SNTB1: variants seen among roughly 807,000 people sequenced by gnomAD.
The protein encoded by SNTB1 is syntrophin beta 1, also known as beta-1-syntrophin.
A neutral mutation model predicts 48.9 loss-of-function variants in SNTB1; 36 were observed. The observed-to-expected ratio is 0.74, with a 90% confidence interval of 0.56 to 0.97. SNTB1 has a LOEUF of 0.97. Ranked by LOEUF, SNTB1 falls within the 50% of genes least tolerant of loss-of-function variation. The probability of loss-of-function intolerance (pLI) is 0.00; values close to 1 mark genes in which losing one functional copy is unlikely to be tolerated. For missense variants in SNTB1, 786 were observed against 703.4 expected (o/e 1.12, Z -1.33); for synonymous variants, 299 against 294.6 (o/e 1.01, Z -0.15).
intron 1 of SNTB1, among the ~76,000 whole-genome samples, chr8:120,743,875 T>A (rs564984847): frequency 1.3e-5 from 2 of 152,328 alleles, no homozygotes; most frequent in East Asian, 3.9e-4. Flanking sequence ...ATGCCTGTAA[T>A]CCTAACAGTT....
chr8:120,806,823 A>G (rs1457955785), intron 1 of SNTB1, among the ~76,000 whole-genome samples: 1 of 152,212 alleles, frequency 6.6e-6, no homozygotes, highest in African/African-American at 2.4e-5. Flanking sequence ...TGTACATCCT[A>G]AATAAAATAA....
In SNTB1 at chr8:120,543,465, A is replaced by G. The variant is rs554735529; in HGVS notation, c.1334-1465T>C. Among the ~76,000 whole-genome samples, 257 of 152,268 alleles carry G rather than the reference A, an allele frequency of 1.7e-3. 5 individuals carry two copies. Among genetic ancestry groups the G allele is most frequent in the Middle Eastern group, 3.4e-3 (1 of 294 alleles). On this transcript the variant is annotated intron_variant, in intron 5 of 6. Transcript: ENST00000517992. ...AACCACACACTTCTGAAGCTGGAAC[A>G]CGGCCCAATATTATAGGTGGAAAAA...
At chr8:120,693,608 T>C (rs532438821) in intron 2 of SNTB1, 84 bp downstream of exon 2, 24 of 1,142,276 alleles carry the variant, frequency 2.1e-5, no homozygotes, top group Non-Finnish European at 2.9e-5. Context: ...TTTCAGAACA[T>C]GAGGGCAATC....
chr8:120,709,709 T>C lies in SNTB1; in HGVS notation c.572-15801A>G, dbSNP rs180764040. Reference sequence around the variant, plus strand: ...AAGCCTGATTCCAAAGCTTTTCCTCTTTCCCACTGTGTTGGGAAAGTCTGC... The same window carrying C: ...AAGCCTGATTCCAAAGCTTTTCCTCCTTCCCACTGTGTTGGGAAAGTCTGC... On this transcript the variant is annotated intron_variant, in intron 1 of 6. Transcript: ENST00000517992. 5.9e-5 allele frequency among the ~76,000 whole-genome samples: 9 copies of C among 152,298 alleles called. No homozygotes were observed. The East Asian group carries it at 1.7e-3, about 29-fold the overall frequency.
intron 1 of SNTB1, among the ~76,000 whole-genome samples, chr8:120,743,156 G>GT (rs1421565880): frequency 3.9e-5 from 6 of 152,098 alleles, no homozygotes; most frequent in African/African-American, 1.4e-4. Context: ...TTCTTTATGG[G>GT]TTTTTCTGCT....
In SNTB1 at chr8:120,548,963, A is replaced by G. The variant is rs1381788535; in HGVS notation, c.1137-5T>C. ...CCTGGACCTGAATGGACCAGCCTGG[A>G]GAGAGAGAGAGAGAGACATCATCAA... is the stretch of plus-strand genomic sequence containing the variant. On this transcript the variant is annotated splice_region_variant and splice_polypyrimidine_tract_variant and intron_variant, in intron 4 of 6. Transcript: ENST00000517992. 1 of 956,860 alleles carries G rather than the reference A, an allele frequency of 1.0e-6. No homozygotes were observed. Among genetic ancestry groups the G allele is most frequent in the East Asian group, 4.5e-5 (1 of 22,432 alleles). The allele number at this position is 956,860 out of a possible 1,614,324, so 59.3% of individuals were successfully genotyped here. A position where few individuals can be genotyped will look rare whatever the true frequency, so the allele number is the denominator to read the frequency against.
chr8:120,718,391 C>G (rs191080421), intron 1 of SNTB1, among the ~76,000 whole-genome samples: 2 of 152,336 alleles, frequency 1.3e-5, no homozygotes, highest in East Asian at 1.9e-4. Flanking sequence ...CCTATGGAAC[C>G]AGGGGTGGGA....
At chr8:120,723,605 T>C (rs1404354090) in intron 1 of SNTB1, among the ~76,000 whole-genome samples, 1 of 152,138 alleles carries the variant, frequency 6.6e-6, no homozygotes, top group Non-Finnish European at 1.5e-5. Flanking sequence ...ACTGAAGCAG[T>C]GAAGGGGCTG....
chr8:120,649,137 T>A (rs2129706409), intron 2 of SNTB1, among the ~76,000 whole-genome samples: 1 of 150,452 alleles, frequency 6.6e-6, no homozygotes, highest in Non-Finnish European at 1.5e-5. Context: ...TCAGAGTAAT[T>A]TGATCGTCTG....
intron 4 of SNTB1, among the ~76,000 whole-genome samples, chr8:120,567,166 T>C (rs1815764310): frequency 6.6e-6 from 1 of 152,192 alleles, no homozygotes; most frequent in African/African-American, 2.4e-5. Context: ...TATGGGGTTG[T>C]GAGGGTTGAA....
chr8:120,709,889 G>A (rs1050285433), intron 1 of SNTB1, among the ~76,000 whole-genome samples: 1 of 151,678 alleles, frequency 6.6e-6, no homozygotes, highest in Non-Finnish European at 1.5e-5. Context: ...TTTACCAGAT[G>A]ATATATGTAA....
chr8:120,565,630 G>T (rs898883498), intron 4 of SNTB1, among the ~76,000 whole-genome samples: 5 of 152,200 alleles, frequency 3.3e-5, no homozygotes, highest in Non-Finnish European at 5.9e-5. Flanking sequence ...AGGAGCTGTT[G>T]ATCACTCTGT....
intron 1 of SNTB1, among the ~76,000 whole-genome samples, chr8:120,794,638 C>T (rs1367159273): frequency 6.6e-6 from 1 of 151,950 alleles, no homozygotes; most frequent in Non-Finnish European, 1.5e-5. Context: ...TTGGTAAGTG[C>T]TTTAGGTTAT....
Position 120,744,121 on chromosome 8 carries a change from A to ATTTTTTTTTTTTTTTTT in SNTB1, c.572-50214_572-50213insAAAAAAAAAAAAAAAAA, listed in dbSNP as rs35604534. ...CTCAAGCCTGGGTGACCCTGTCTCA[A>ATTTTTTTTTTTTTTTTT]TTTTTTTTTTTTTTTGCAAGGGAAT... is the stretch of plus-strand genomic sequence containing the variant. On this transcript the variant is annotated intron_variant, in intron 1 of 6. Transcript: ENST00000517992. 6.7e-4 allele frequency among the ~76,000 whole-genome samples: 91 copies of ATTTTTTTTTTTTTTTTT among 136,124 alleles called. 2 individuals are homozygous for ATTTTTTTTTTTTTTTTT. Among genetic ancestry groups the ATTTTTTTTTTTTTTTTT allele is most frequent in the East Asian group, 3.4e-3 (15 of 4,372 alleles). 89.3% of individuals were successfully genotyped at this position (136,124 alleles called of 152,430 possible). A position where few individuals can be genotyped will look rare whatever the true frequency, so the allele number is the denominator to read the frequency against.
chr8:120,541,455 C>T (rs1815287325), intron 6 of SNTB1, among the ~76,000 whole-genome samples: 1 of 152,158 alleles, frequency 6.6e-6, no homozygotes, highest in South Asian at 2.1e-4. Context: ...TACTTTGCTG[C>T]ATCCCTAACG....
At chr8:120,633,657 A>G (rs1179982565) in intron 2 of SNTB1, among the ~76,000 whole-genome samples, 3 of 152,070 alleles carry the variant, frequency 2.0e-5, no homozygotes, top group Non-Finnish European at 4.4e-5. Flanking sequence ...CAACACCAAA[A>G]CTTAGGCCAG....
intron 1 of SNTB1, among the ~76,000 whole-genome samples, chr8:120,755,725 A>G (rs1819308366): frequency 6.6e-6 from 1 of 152,136 alleles, no homozygotes; most frequent in South Asian, 2.1e-4. Flanking sequence ...TACTTACGCT[A>G]ACTCTATGAG....
intron 1 of SNTB1, among the ~76,000 whole-genome samples, chr8:120,798,410 T>C (rs1820158262): frequency 6.6e-6 from 1 of 152,032 alleles, no homozygotes; most frequent in Non-Finnish European, 1.5e-5. Context: ...TTTGGTTTAA[T>C]ACAACTAGAA....
At chr8:120,614,485 G>A (rs1010109479) in intron 3 of SNTB1, among the ~76,000 whole-genome samples, 1 of 152,198 alleles carries the variant, frequency 6.6e-6, no homozygotes, top group Admixed American at 6.5e-5. Context: ...TGTTTCCAAG[G>A]CCAGAGTAGC....
Sources: allele counts gnomAD v4.1 joint callset (sites outside exome capture counted in the v4.1 genomes callset), GRCh38; gene constraint gnomAD v4.1.1; transcripts MANE v1.5; gene names NCBI Gene and HGNC (gene_info 2026-07-23, HGNC 2026-07-21).